Variants in ATP1B2 observed in about 807,000 individuals in gnomAD.
ATP1B2 encodes the protein sodium/potassium-transporting ATPase subunit beta-2.
ATP1B2 carries 12 observed loss-of-function variants against 37.3 expected under a neutral mutation model. The ratio of observed to expected loss-of-function variants is 0.32; its 90% CI spans 0.21 to 0.52. ATP1B2 has a LOEUF of 0.52. Ranked by LOEUF, ATP1B2 falls within the 20% of genes least tolerant of loss-of-function variation. The probability of loss-of-function intolerance (pLI) is 0.96; values close to 1 mark genes in which losing one functional copy is unlikely to be tolerated. For missense variants in ATP1B2, 324 were observed against 391.6 expected, an observed-to-expected ratio of 0.83 and a Z score of 1.46; for synonymous variants, 139 against 140.5, an observed-to-expected ratio of 0.99 and a Z score of 0.07.
chr17:7,653,421 A>G lies in ATP1B2; in HGVS notation c.160A>G (p.Met54Val), dbSNP rs746012048. 2 of 1,613,914 alleles carry G rather than the reference A, an allele frequency of 1.2e-6. No homozygotes were observed. Among genetic ancestry groups the G allele is most frequent in the Non-Finnish European group, 1.7e-6 (2 of 1,179,962 alleles). ...CGTTTTTTATGGGTTCCTCACCGCC[A>G]TGTTCACCCTCACCATGTGGGTGAT... is the stretch of plus-strand genomic sequence containing the variant. ...YLVFYGFLTA[M>V]FTLTMWVMLQ... is the part of the protein sequence containing the mutation. Residue 54 changes from methionine to valine, a missense_variant, in exon 2 of 7, where the codon ATG becomes GTG. Met to Val is a conservative substitution (Grantham distance 21). Transcript: ENST00000250111.
rs2072641713 is a variant in ATP1B2, at chr17:7,655,168, C to T, written c.610-359C>T. 2.8e-6 allele frequency: 1 copy of T among 362,954 alleles called. No individual in the cohort carries two copies. Among genetic ancestry groups the T allele is most frequent in the South Asian group, 3.4e-5 (1 of 29,444 alleles). The allele number at this position is 362,954 out of a possible 1,614,324, so 22.5% of individuals were successfully genotyped here. On this transcript the variant is annotated intron_variant, in intron 5 of 6. Transcript: ENST00000250111. The surrounding 1 kb of genome is among the most constrained non-coding windows in gnomAD (Gnocchi z 4.4). ...CTTTCTAGAAACTGGCTGCTCCCTC[C>T]ACATCCCCTTCCTTGCTTCCTATTC...
upstream of ATP1B2, among the ~76,000 whole-genome samples, chr17:7,650,838 G>A (rs1013762832): frequency 6.6e-6 from 1 of 151,346 alleles, no homozygotes; most frequent in Non-Finnish European, 1.5e-5. Flanking sequence ...GGCCAGTGGC[G>A]AGGAGGCGGA....
At chr17:7,653,779 T>G in intron 2 of ATP1B2, 62 bp from the exon 3 acceptor site, 1 of 1,519,862 alleles carries the variant, frequency 6.6e-7, no homozygotes, top group Non-Finnish European at 9.1e-7. Flanking sequence ...TCCATTTTCT[T>G]CCCTCTGTGT....
chr17:7,649,352 G>T (rs1321305922), upstream of ATP1B2, among the ~76,000 whole-genome samples: 1 of 152,062 alleles, frequency 6.6e-6, no homozygotes, highest in Admixed American at 6.6e-5. Context: ...GGGATTACAG[G>T]CATGAGCCAC....
chr17:7,654,273 G>A lies in ATP1B2; in HGVS notation c.552+16G>A, dbSNP rs894146510. Reference sequence around the variant, plus strand: ...GATGAACCGGGTATCTATGACCTTGGTCCCCAGGGTGAATGGAGGAAGGAT... The same window carrying A: ...GATGAACCGGGTATCTATGACCTTGATCCCCAGGGTGAATGGAGGAAGGAT... On this transcript the variant is annotated intron_variant, in intron 4 of 6. Transcript: ENST00000250111. The surrounding 1 kb of genome is among the most constrained non-coding windows in gnomAD (Gnocchi z 4.9). The A allele has an allele frequency of 5.6e-6, 9 of 1,613,128 alleles. No individual in the cohort carries two copies. The African/African-American group carries it at 8.0e-5, about 14-fold the overall frequency.
upstream of ATP1B2, among the ~76,000 whole-genome samples, chr17:7,650,550 C>G (rs1410590259): frequency 2.0e-5 from 3 of 152,164 alleles, no homozygotes; most frequent in Non-Finnish European, 2.9e-5. Flanking sequence ...GCCCCATCTG[C>G]TCCCGGACTC....
upstream of ATP1B2, among the ~76,000 whole-genome samples, chr17:7,647,520 T>C (rs2072582168): frequency 1.3e-5 from 2 of 151,864 alleles, no homozygotes; most frequent in Admixed American, 6.6e-5. Context: ...CCCCCATCTC[T>C]AAAAAAGAAA....
intron 1 of ATP1B2, 40 bp downstream of exon 1, chr17:7,651,670 G>C: frequency 2.0e-6 from 3 of 1,531,156 alleles, no homozygotes; most frequent in South Asian, 1.2e-5. Context: ...GGAAAGCCGC[G>C]GGGCGACGCC....
At chr17:7,647,703 C>A (rs2072583060), upstream of ATP1B2, among the ~76,000 whole-genome samples, 1 of 152,038 alleles carries the variant, frequency 6.6e-6, no homozygotes, top group Non-Finnish European at 1.5e-5. Context: ...CCTGTAATCC[C>A]AGCTACTCAG....
chr17:7,657,172 T>A lies in ATP1B2; in HGVS notation c.*1277T>A, dbSNP rs2072660446. On this transcript the variant is annotated 3_prime_UTR_variant, in exon 7 of 7. Transcript: ENST00000250111. ...GCGGCCATTCTGGCTCCGTCCCCAG[T>A]GGCCACCTTGGAAACATCGGCTGGC... 6.6e-6 allele frequency: 1 copy of A among 152,202 alleles called. No individual in the cohort carries two copies. Among genetic ancestry groups the A allele is most frequent in the Non-Finnish European group, 1.5e-5 (1 of 68,048 alleles). 9.4% of individuals were successfully genotyped at this position (152,202 alleles called of 1,614,324 possible).
chr17:7,650,335 G>A (rs1216310911), upstream of ATP1B2, among the ~76,000 whole-genome samples: 1 of 152,164 alleles, frequency 6.6e-6, no homozygotes, highest in Non-Finnish European at 1.5e-5. Context: ...GACAGAGCCA[G>A]GTGGTGTGGA....
At position 7,651,424 on chromosome 17, in the gene ATP1B2, C is replaced by A; in HGVS notation, c.-95C>A. ...CCTTTGCCCGCGCCGCCTTCGCTCC[C>A]CGTGCTTTTGGGTGTGTGGAGGGCT... On this transcript the variant is annotated 5_prime_UTR_variant, in exon 1 of 7. Transcript: ENST00000250111. 8.6e-7 allele frequency: 1 copy of A among 1,160,044 alleles called. No homozygotes were observed. Among genetic ancestry groups the A allele is most frequent in the Non-Finnish European group, 1.2e-6 (1 of 802,960 alleles). The allele number at this position is 1,160,044 out of a possible 1,614,324, so 71.9% of individuals were successfully genotyped here.
At chr17:7,648,254 A>G (rs575703499), upstream of ATP1B2, among the ~76,000 whole-genome samples, 18 of 152,012 alleles carry the variant, frequency 1.2e-4, no homozygotes, top group East Asian at 2.7e-3. Context: ...ACAAAAAACC[A>G]TGAGAAGCTG....
upstream of ATP1B2, among the ~76,000 whole-genome samples, chr17:7,648,087 A>G (rs951557474): frequency 1.3e-5 from 2 of 151,836 alleles, no homozygotes; most frequent in African/African-American, 4.8e-5. Flanking sequence ...TAAAAATACA[A>G]AAATTAGCCG....
At chr17:7,649,474 G>A (rs2072595520), upstream of ATP1B2, among the ~76,000 whole-genome samples, 2 of 149,352 alleles carry the variant, frequency 1.3e-5, no homozygotes, top group Admixed American at 1.3e-4. Context: ...TGCAAGCTCC[G>A]CCTCCCGGGT....
upstream of ATP1B2, among the ~76,000 whole-genome samples, chr17:7,646,916 A>G (rs1224356006): frequency 6.6e-6 from 1 of 152,066 alleles, no homozygotes; most frequent in Non-Finnish European, 1.5e-5. Flanking sequence ...CATCTCTATG[A>G]AAAACTTCTT....
chr17:7,654,277 C>T lies in ATP1B2; in HGVS notation c.552+20C>T. On this transcript the variant is annotated intron_variant, in intron 4 of 6. Transcript: ENST00000250111. This position sits in a 1 kb window ranked among gnomAD's most constrained non-coding sequence, Gnocchi z 4.9. Reference sequence around the variant, plus strand: ...AACCGGGTATCTATGACCTTGGTCCCCAGGGTGAATGGAGGAAGGATCTGG... The same window carrying T: ...AACCGGGTATCTATGACCTTGGTCCTCAGGGTGAATGGAGGAAGGATCTGG... The T allele has an allele frequency of 6.2e-7, 1 of 1,612,974 alleles. No individual in the cohort carries two copies. Among genetic ancestry groups the T allele is most frequent in the Non-Finnish European group, 8.5e-7 (1 of 1,179,376 alleles).
rs751747846 is a variant in ATP1B2 at position 7,651,172 on chromosome 17, C to A, written c.-347C>A. ...TCTGCGTTCTGCTCGGTTTTTGTAG[C>A]CGTCTGTTTTTGCACCCCATTTCGT... On this transcript the variant is annotated 5_prime_UTR_variant, in exon 1 of 7. Transcript: ENST00000250111. The A allele has an allele frequency of 1.6e-5, 4 of 242,702 alleles. No individual in the cohort carries two copies. Among genetic ancestry groups the A allele is most frequent in the Non-Finnish European group, 2.4e-5 (3 of 122,850 alleles). 15.0% of individuals were successfully genotyped at this position (242,702 alleles called of 1,614,324 possible).
At chr17:7,653,250 A>G (rs2072625109) in intron 1 of ATP1B2, 124 bp from the exon 2 acceptor site, 6 of 1,426,346 alleles carry the variant, frequency 4.2e-6, no homozygotes, top group Non-Finnish European at 5.7e-6. Context: ...AGGCTCTAAG[A>G]CATCCCTGTG....
Sources: gnomAD v4.1 joint callset for allele counts (sites outside exome capture counted in the v4.1 genomes callset) on GRCh38, gnomAD v4.1.1 for gene constraint, Gnocchi (gnomAD v3.1) non-coding constraint, MANE v1.5 for transcripts, NCBI Gene and HGNC (gene_info 2026-07-23, HGNC 2026-07-21) for gene names.